SUCLG2: variants seen among roughly 807,000 people sequenced by gnomAD.
SUCLG2 encodes the protein succinate--CoA ligase [GDP-forming] subunit beta, mitochondrial.
In SUCLG2, 42 loss-of-function variants were observed where a neutral mutation model predicts 47.9. The ratio of observed to expected loss-of-function variants is 0.88; its 90% CI spans 0.69 to 1.14. The LOEUF is 1.14. Among genes scored for constraint, SUCLG2 ranks in the 50% most tolerant of loss-of-function variants. The pLI, the probability that SUCLG2 is intolerant of heterozygous loss-of-function variation, is 0.00. For missense variants in SUCLG2, 571 were observed against 525.9 expected (o/e 1.09, Z -0.84); for synonymous variants, 195 against 197.3 (o/e 0.99, Z 0.10).
In SUCLG2 at chr3:67,590,025, A is replaced by C. The variant is rs183293434; in HGVS notation, c.226+19430T>G. Among the ~76,000 whole-genome samples the C allele has an allele frequency of 6.6e-5, 10 of 152,224 alleles. No homozygotes were observed. In the East Asian group the frequency reaches 1.9e-3, roughly 30 times the overall value. The stretch of plus-strand genomic sequence containing the variant: ...ATTTATGAAATTTTATATTTTGAAC[A>C]TATGGTGTATGGGCCTCTATTTGTC... On this transcript the variant is annotated intron_variant, in intron 2 of 10. Coordinates refer to ENST00000307227, the MANE Select transcript of SUCLG2 (RefSeq NM_003848.4).
intron 1 of SUCLG2, among the ~76,000 whole-genome samples, chr3:67,644,302 T>C (rs1208222816): frequency 1.3e-5 from 2 of 152,014 alleles, no homozygotes; most frequent in Admixed American, 6.5e-5. Context: ...TTCAGCCTAA[T>C]AAGGAAGGAA....
intron 9 of SUCLG2, among the ~76,000 whole-genome samples, chr3:67,446,355 A>T (rs1187157516): frequency 7.9e-3 from 2 of 252 alleles, no homozygotes; most frequent in Admixed American, 0.071. Flanking sequence ...ATTTGTATAT[A>T]AAAAAAAAAA....
At chr3:67,372,302 G>A (rs938979552), downstream of SUCLG2, among the ~76,000 whole-genome samples, 5 of 152,188 alleles carry the variant, frequency 3.3e-5, no homozygotes, top group African/African-American at 1.2e-4. Flanking sequence ...AACTCAAGAG[G>A]AGCAACTTTA....
At chr3:67,500,426 T>C (rs954362940) in intron 7 of SUCLG2, among the ~76,000 whole-genome samples, 6 of 152,238 alleles carry the variant, frequency 3.9e-5, no homozygotes, top group African/African-American at 9.6e-5. Flanking sequence ...GAATCTTATA[T>C]GGAAGTTAAT....
intron 7 of SUCLG2, among the ~76,000 whole-genome samples, chr3:67,499,369 C>T (rs1014764256): frequency 1.3e-5 from 2 of 151,994 alleles, no homozygotes; most frequent in Non-Finnish European, 2.9e-5. Flanking sequence ...AGGGCCATGC[C>T]CTTGATTCGT....
At chr3:67,563,064 TTTAA>T (rs1707350984) in intron 2 of SUCLG2, among the ~76,000 whole-genome samples, 1 of 149,598 alleles carries the variant, frequency 6.7e-6, no homozygotes, top group African/African-American at 2.4e-5. Context: ...TATTTATTAT[TTTAA>T]TTATTTCTAT....
At position 67,375,861 on chromosome 3, in the gene SUCLG2, T is replaced by C. The variant is rs367893658; in HGVS notation, c.1184-2A>G. 1.2e-6 allele frequency: 2 copies of C among 1,612,734 alleles called. No individual in the cohort carries two copies. The highest frequency in any genetic ancestry group is 1.7e-5 in the Admixed American group (1 of 59,882). Reference sequence around the variant, plus strand: ...TCTGGGCCTCTTGGACGTTGGTTCCTAGAAGGGGGACAGGGAACAATCACT... The same window carrying C: ...TCTGGGCCTCTTGGACGTTGGTTCCCAGAAGGGGGACAGGGAACAATCACT... On this transcript the variant is annotated splice_acceptor_variant, in intron 10 of 10. Transcript: ENST00000307227. LOFTEE classifies it high-confidence loss of function.
At chr3:67,625,006 CTA>C (rs780988430) in intron 1 of SUCLG2, among the ~76,000 whole-genome samples, 2 of 152,216 alleles carry the variant, frequency 1.3e-5, no homozygotes. Context: ...CCTAAACATA[CTA>C]TACCCTCTTA....
intron 2 of SUCLG2, among the ~76,000 whole-genome samples, chr3:67,537,275 T>C (rs1018946121): frequency 6.6e-6 from 1 of 152,076 alleles, no homozygotes; most frequent in Non-Finnish European, 1.5e-5. Flanking sequence ...TGTGTCCATG[T>C]GTTCTCATTG....
intron 2 of SUCLG2, among the ~76,000 whole-genome samples, chr3:67,556,581 G>T (rs192965991): frequency 6.6e-5 from 10 of 152,216 alleles, no homozygotes; most frequent in African/African-American, 2.2e-4. Flanking sequence ...AGCTAGTGGT[G>T]TCTGCTGGTC....
At chr3:67,453,678 A>G (rs1464711494) in intron 9 of SUCLG2, among the ~76,000 whole-genome samples, 1 of 152,350 alleles carries the variant, frequency 6.6e-6, no homozygotes, top group East Asian at 1.9e-4. Context: ...CAAATCAGGA[A>G]GTAAGAAAAC....
intron 9 of SUCLG2, among the ~76,000 whole-genome samples, chr3:67,449,482 C>T (rs1033465365): frequency 6.6e-6 from 1 of 151,440 alleles, no homozygotes; most frequent in Non-Finnish European, 1.5e-5. Context: ...TTAGTCCAGT[C>T]CTTTACTTCA....
intron 10 of SUCLG2, among the ~76,000 whole-genome samples, chr3:67,367,516 AT>A (rs1701892530): frequency 6.6e-6 from 1 of 152,160 alleles, no homozygotes; most frequent in South Asian, 2.1e-4. Context: ...AATGACCCAT[AT>A]TTACTATAGT....
intron 2 of SUCLG2, among the ~76,000 whole-genome samples, chr3:67,546,349 A>G (rs1706862130): frequency 6.6e-6 from 1 of 152,202 alleles, no homozygotes; most frequent in Non-Finnish European, 1.5e-5. Context: ...TTAGTGTGGC[A>G]CAGAAATCAA....
chr3:67,397,761 T>C (rs1276344229), intron 10 of SUCLG2, among the ~76,000 whole-genome samples: 3 of 152,130 alleles, frequency 2.0e-5, no homozygotes, highest in Admixed American at 1.3e-4. Flanking sequence ...GCTACCTCAG[T>C]TGAAACTATA....
chr3:67,512,131 G>C (rs1705809838), intron 6 of SUCLG2, among the ~76,000 whole-genome samples: 1 of 150,994 alleles, frequency 6.6e-6, no homozygotes, highest in African/African-American at 2.5e-5. Context: ...TTTACCTTTT[G>C]AACATGCTTT....
chr3:67,374,397 GT>G (rs1216327729), downstream of SUCLG2, among the ~76,000 whole-genome samples: 1 of 152,164 alleles, frequency 6.6e-6, no homozygotes, highest in Non-Finnish European at 1.5e-5. Flanking sequence ...AAAATTAATG[GT>G]GGCAATTGAG....
intron 9 of SUCLG2, among the ~76,000 whole-genome samples, chr3:67,490,083 T>C (rs574420118): frequency 6.6e-6 from 1 of 152,328 alleles, no homozygotes; most frequent in East Asian, 1.9e-4. Context: ...GATGGAGCCC[T>C]GGAAGCACTT....
At chr3:67,653,684 G>A (rs1445450915) in intron 1 of SUCLG2, among the ~76,000 whole-genome samples, 3 of 152,198 alleles carry the variant, frequency 2.0e-5, no homozygotes, top group African/African-American at 7.2e-5. Flanking sequence ...GATAGTCTAC[G>A]GAGACTAACC....
Sources: allele counts gnomAD v4.1 joint callset (sites outside exome capture counted in the v4.1 genomes callset), GRCh38; gene constraint gnomAD v4.1.1; transcripts MANE v1.5; gene names NCBI Gene and HGNC (gene_info 2026-07-23, HGNC 2026-07-21).